The following WDPCP variants were observed in gnomAD, a reference collection of about 807,000 sequenced individuals.
The protein encoded by WDPCP is WD repeat-containing and planar cell polarity effector protein fritz homolog.
A neutral mutation model predicts 93.1 loss-of-function variants in WDPCP; 71 were observed. The ratio of observed to expected loss-of-function variants is 0.76; its 90% CI spans 0.63 to 0.93. The LOEUF (loss-of-function observed/expected upper bound fraction) is 0.93. Ranked by LOEUF, WDPCP falls within the 40% of genes least tolerant of loss-of-function variation. The pLI is 0.00. For synonymous variants in WDPCP, 315 were observed against 315.0 expected, an observed-to-expected ratio of 1.00 and a Z score of 0.00; for missense variants, 844 against 887.4, an observed-to-expected ratio of 0.95 and a Z score of 0.62.
chr2:63,379,283 A>C (rs553051284), intron 11 of WDPCP, among the ~76,000 whole-genome samples: 2 of 152,208 alleles, frequency 1.3e-5, no homozygotes, highest in Non-Finnish European at 2.9e-5. Flanking sequence ...TACAGTTCAC[A>C]GTAAGACTTC....
intron 1 of WDPCP, among the ~76,000 whole-genome samples, chr2:63,543,700 A>C (rs969284845): frequency 6.6e-6 from 1 of 152,116 alleles, no homozygotes; most frequent in Non-Finnish European, 1.5e-5. Flanking sequence ...AGTGAATAAA[A>C]GAAGACACAT....
intron 2 of WDPCP, chr2:63,717,256 C>A: frequency 1.9e-6 from 1 of 540,516 alleles, no homozygotes; most frequent in South Asian, 1.5e-5. Flanking sequence ...GCGTAAGAAG[C>A]AGGCCAGAAT....
chr2:63,432,606 T>C (rs1187804331), intron 9 of WDPCP, among the ~76,000 whole-genome samples: 1 of 152,070 alleles, frequency 6.6e-6, no homozygotes, highest in Non-Finnish European at 1.5e-5. Flanking sequence ...GACTAAGACA[T>C]GGTTTATGTA....
At chr2:63,608,567 G>C (rs967106427) in intron 3 of WDPCP, among the ~76,000 whole-genome samples, 1 of 152,082 alleles carries the variant, frequency 6.6e-6, no homozygotes, top group African/African-American at 2.4e-5. Flanking sequence ...TTACTACTTT[G>C]GGAGGCCAGG....
chr2:63,735,013 G>T (rs187592161), intron 2 of WDPCP, among the ~76,000 whole-genome samples: 2 of 152,236 alleles, frequency 1.3e-5, no homozygotes, highest in East Asian at 3.9e-4. Context: ...GATTTCCATG[G>T]TAACTCTGAT....
intron 15 of WDPCP, among the ~76,000 whole-genome samples, chr2:63,165,103 G>T (rs956856375): frequency 3.9e-5 from 6 of 152,216 alleles, no homozygotes; most frequent in African/African-American, 1.2e-4. Context: ...AATTTAAAAA[G>T]AATCACTTTC....
chr2:63,803,202 C>A (rs947833746), intron 2 of WDPCP, among the ~76,000 whole-genome samples: 4 of 152,128 alleles, frequency 2.6e-5, no homozygotes, highest in Non-Finnish European at 5.9e-5. Flanking sequence ...TTCACTTTGA[C>A]ATTCATACTC....
chr2:63,129,297 A>G (rs1670136359), intron 17 of WDPCP, among the ~76,000 whole-genome samples: 1 of 152,264 alleles, frequency 6.6e-6, no homozygotes, highest in Admixed American at 6.5e-5. Flanking sequence ...GTATACCAGA[A>G]GTAAAATTGC....
chr2:63,613,979 T>C (rs262491), intron 3 of WDPCP, among the ~76,000 whole-genome samples: 125,337 of 152,162 alleles, frequency 0.82, 52,148 homozygotes, highest in East Asian at 0.98. Context: ...GACTTTTTAT[T>C]CATTTTTCTG....
chr2:63,772,740 T>C (rs1339079990), intron 2 of WDPCP, among the ~76,000 whole-genome samples: 1 of 152,016 alleles, frequency 6.6e-6, no homozygotes, highest in Non-Finnish European at 1.5e-5. Context: ...GTTCAACAAT[T>C]ACTCATGACA....
At chr2:63,369,149 C>A (rs934955242) in intron 12 of WDPCP, 1 of 242,530 alleles carries the variant, frequency 4.1e-6, no homozygotes, top group Non-Finnish European at 8.4e-6. Flanking sequence ...CATCCCACAG[C>A]TTTAATACAA....
intron 14 of WDPCP, among the ~76,000 whole-genome samples, chr2:63,242,960 C>T (rs1195947304): frequency 6.6e-6 from 1 of 152,078 alleles, no homozygotes; most frequent in African/African-American, 2.4e-5. Context: ...GCCTAGTAAT[C>T]TAATACCAGC....
At chr2:63,591,726 C>T (rs1377127192), upstream of WDPCP, among the ~76,000 whole-genome samples, 1 of 152,162 alleles carries the variant, frequency 6.6e-6, no homozygotes, top group Non-Finnish European at 1.5e-5. Flanking sequence ...AGACTGTTCT[C>T]AAGAGCGCTT....
At chr2:63,302,805 T>A (rs749725682) in intron 13 of WDPCP, among the ~76,000 whole-genome samples, 1 of 152,214 alleles carries the variant, frequency 6.6e-6, no homozygotes, top group Non-Finnish European at 1.5e-5. Context: ...CAGGACCCCA[T>A]ACGACTGCTG....
At chr2:63,678,569 CT>C (rs1488436385) in intron 2 of WDPCP, among the ~76,000 whole-genome samples, 1 of 152,176 alleles carries the variant, frequency 6.6e-6, no homozygotes, top group Non-Finnish European at 1.5e-5. Context: ...CTCTACCCTC[CT>C]TTTAGTGCAC....
intron 2 of WDPCP, among the ~76,000 whole-genome samples, chr2:63,760,343 C>G (rs1217117916): frequency 6.6e-6 from 1 of 152,024 alleles, no homozygotes; most frequent in East Asian, 1.9e-4. Context: ...CAACTCTGTT[C>G]CAGGAGGGCT....
At chr2:63,549,739 C>T (rs1241763158) in intron 1 of WDPCP, among the ~76,000 whole-genome samples, 3 of 152,152 alleles carry the variant, frequency 2.0e-5, no homozygotes, top group Non-Finnish European at 4.4e-5. Context: ...GCAACTCCAT[C>T]CTGGACGACA....
chr2:63,677,778 C>G (rs1041685788), intron 2 of WDPCP, among the ~76,000 whole-genome samples: 1 of 152,072 alleles, frequency 6.6e-6, no homozygotes, highest in Non-Finnish European at 1.5e-5. Flanking sequence ...GAATTTGTCA[C>G]TAAAGGAAAT....
intron 12 of WDPCP, among the ~76,000 whole-genome samples, chr2:63,338,282 G>A (rs773478891): frequency 3.3e-5 from 5 of 151,900 alleles, no homozygotes; most frequent in African/African-American, 4.8e-5. Flanking sequence ...AGTGGCTCAC[G>A]CCCATAATCC....
Sources: gnomAD v4.1 joint callset for allele counts (sites outside exome capture counted in the v4.1 genomes callset) on GRCh38, gnomAD v4.1.1 for gene constraint, MANE v1.5 for transcripts, NCBI Gene and HGNC (gene_info 2026-07-23, HGNC 2026-07-21) for gene names.